The following RPA3 variants were observed in gnomAD, a reference collection of about 807,000 sequenced individuals.
RPA3 encodes the protein replication protein A 14 kDa subunit.
RPA3 carries 24 observed loss-of-function variants against 13.7 expected under a neutral mutation model. The ratio of observed to expected loss-of-function variants is 1.75; its 90% CI spans 1.27 to 2.46. The LOEUF (loss-of-function observed/expected upper bound fraction) is 2.46, where lower values mean the gene tolerates loss of function less well. Among genes scored for constraint, RPA3 ranks in the 30% most tolerant of loss-of-function variants. The pLI is 0.00. For missense variants in RPA3, 183 were observed against 151.0 expected, an observed-to-expected ratio of 1.21 and a Z score of -1.11; for synonymous variants, 59 against 51.2, an observed-to-expected ratio of 1.15 and a Z score of -0.65.
intron 2 of RPA3, among the ~76,000 whole-genome samples, chr7:7,691,504 T>C (rs946067110): frequency 6.6e-6 from 1 of 152,234 alleles, no homozygotes; most frequent in African/African-American, 2.4e-5. Context: ...CTTCAAGCCT[T>C]GCATGACATT....
chr7:7,643,574 C>T (rs1270737140), intron 4 of RPA3, among the ~76,000 whole-genome samples: 1 of 152,036 alleles, frequency 6.6e-6, no homozygotes, highest in Non-Finnish European at 1.5e-5. Flanking sequence ...TATCCAGGCG[C>T]GATGGCGGGG....
chr7:7,713,398 GTT>G, intron 2 of RPA3, among the ~76,000 whole-genome samples: 1 of 141,042 alleles, frequency 7.1e-6, no homozygotes, highest in Non-Finnish European at 1.6e-5. Context: ...TATAGACAGA[GTT>G]TTTTTTTTTT....
In RPA3 at chr7:7,659,153, C is replaced by G. The variant is rs532553414; in HGVS notation, c.-757-17978G>C. On this transcript the variant is annotated intron_variant, in intron 4 of 7. Coordinates refer to ENST00000223129, the MANE Select transcript of RPA3 (RefSeq NM_002947.5). Reference sequence around the variant, plus strand: ...TTGCTGTGGGATCAATGGTGATATCCCCTTTATCATTTTTTATTGCATCTA... The same window carrying G: ...TTGCTGTGGGATCAATGGTGATATCGCCTTTATCATTTTTTATTGCATCTA... Among the ~76,000 whole-genome samples the G allele has an allele frequency of 1.8e-4, 28 of 152,026 alleles. No homozygotes were observed. In the East Asian group the frequency reaches 5.2e-3, roughly 28 times the overall value.
At chr7:7,698,979 C>T (rs1780385834) in intron 2 of RPA3, among the ~76,000 whole-genome samples, 1 of 151,500 alleles carries the variant, frequency 6.6e-6, no homozygotes, top group Admixed American at 6.6e-5. Flanking sequence ...TTCAGCCCCC[C>T]AAGTATCTGG....
At chr7:7,717,261 T>A (rs1001584256) in intron 1 of RPA3, among the ~76,000 whole-genome samples, 2 of 152,046 alleles carry the variant, frequency 1.3e-5, no homozygotes, top group African/African-American at 4.8e-5. Flanking sequence ...TTCACCACGT[T>A]GGCCTGGCTG....
intron 2 of RPA3, among the ~76,000 whole-genome samples, chr7:7,695,991 T>C (rs902132437): frequency 1.3e-5 from 2 of 151,626 alleles, no homozygotes; most frequent in African/African-American, 4.8e-5. Context: ...GTTTTTTTTT[T>C]TTTTTTCTGA....
chr7:7,670,293 C>A (rs1234122736), intron 4 of RPA3, among the ~76,000 whole-genome samples: 1 of 152,084 alleles, frequency 6.6e-6, no homozygotes, highest in Non-Finnish European at 1.5e-5. Context: ...AATTTGAGTC[C>A]TTCTGTTAAA....
At chr7:7,715,759 A>G (rs1427727406) in intron 1 of RPA3, among the ~76,000 whole-genome samples, 1 of 152,228 alleles carries the variant, frequency 6.6e-6, no homozygotes. Context: ...GATGTAAAAG[A>G]TGTAAGAAAG....
intron 5 of RPA3, among the ~76,000 whole-genome samples, chr7:7,639,424 T>C (rs1399378022): frequency 6.6e-6 from 1 of 152,192 alleles, no homozygotes; most frequent in Non-Finnish European, 1.5e-5. Context: ...TGATAACAAA[T>C]TAAAGGATGC....
intron 2 of RPA3, among the ~76,000 whole-genome samples, chr7:7,700,724 C>G (rs867435615): frequency 6.6e-6 from 1 of 152,100 alleles, no homozygotes; most frequent in African/African-American, 2.4e-5. Context: ...CCTGTCTCTA[C>G]TAAAAATATA....
intron 4 of RPA3, among the ~76,000 whole-genome samples, chr7:7,664,174 A>G (rs13227675): frequency 0.18 from 27,281 of 152,148 alleles, 2,644 homozygotes; most frequent in Middle Eastern, 0.23. Context: ...GGAATTTACT[A>G]TTATTTTCTT....
At chr7:7,697,117 T>C (rs541324672) in intron 2 of RPA3, among the ~76,000 whole-genome samples, 2 of 152,312 alleles carry the variant, frequency 1.3e-5, no homozygotes, top group African/African-American at 4.8e-5. Flanking sequence ...GTTTTGCTTT[T>C]CTTTTTATTT....
At chr7:7,699,052 G>A (rs1038733140) in intron 2 of RPA3, among the ~76,000 whole-genome samples, 3 of 65,018 alleles carry the variant, frequency 4.6e-5, no homozygotes, top group East Asian at 2.6e-4. Context: ...GTGTGTGTGG[G>A]GGGGGGGTAG....
At chr7:7,677,765 C>G (rs915176675) in intron 4 of RPA3, among the ~76,000 whole-genome samples, 1 of 148,048 alleles carries the variant, frequency 6.8e-6, no homozygotes, top group African/African-American at 2.5e-5. Flanking sequence ...GCTCTGCCTC[C>G]CAGGTTCACG....
In RPA3 at chr7:7,652,467, C is replaced by G. The variant is rs28916274; in HGVS notation, c.-757-11292G>C. On this transcript the variant is annotated intron_variant, in intron 4 of 7. Coordinates refer to ENST00000223129, the MANE Select transcript of RPA3 (RefSeq NM_002947.5). The stretch of plus-strand genomic sequence containing the variant: ...CAGCAGTCTGAAGCAAGTCATTAGA[C>G]AGCTAGCAATATTTTTGACTAGACT... Among the ~76,000 whole-genome samples the G allele has an allele frequency of 8.6e-3, 1,303 of 152,310 alleles. 25 individuals are homozygous for G. Among genetic ancestry groups the G allele is most frequent in the African/African-American group, 0.03 (1,252 of 41,570 alleles).
chr7:7,646,511 T>C (rs1785099904), intron 4 of RPA3, among the ~76,000 whole-genome samples: 1 of 144,436 alleles, frequency 6.9e-6, no homozygotes, highest in African/African-American at 2.6e-5. Flanking sequence ...TTTTTAATTC[T>C]CTCGTCTGAC....
rs528461755 is a variant in RPA3, at chr7:7,707,247, T to G, written c.-1028+7928A>C. Among the ~76,000 whole-genome samples, 291 of 152,302 alleles carry G rather than the reference T, an allele frequency of 1.9e-3. 1 individual carries two copies. Among genetic ancestry groups the G allele is most frequent in the African/African-American group, 6.6e-3 (275 of 41,586 alleles). On this transcript the variant is annotated intron_variant, in intron 2 of 7. Coordinates refer to ENST00000223129, the MANE Select transcript of RPA3 (RefSeq NM_002947.5). ...ATTCATTATGGTTATAAACTCCTTG[T>G]CTGCCTACAATATTAATATGGAATG... is the stretch of plus-strand genomic sequence containing the variant.
At chr7:7,709,836 G>A (rs1011267435) in intron 2 of RPA3, among the ~76,000 whole-genome samples, 10 of 151,698 alleles carry the variant, frequency 6.6e-5, no homozygotes, top group African/African-American at 2.4e-4. Context: ...ATGAACACCT[G>A]TGTACCCACC....
intron 4 of RPA3, among the ~76,000 whole-genome samples, chr7:7,642,487 G>T (rs889303553): frequency 6.6e-6 from 1 of 150,796 alleles, no homozygotes; most frequent in African/African-American, 2.4e-5. Flanking sequence ...TTTTTTTAAA[G>T]AGCACTCCTG....
Sources: gnomAD v4.1 joint callset for allele counts (sites outside exome capture counted in the v4.1 genomes callset) on GRCh38, gnomAD v4.1.1 for gene constraint, MANE v1.5 for transcripts, NCBI Gene and HGNC (gene_info 2026-07-23, HGNC 2026-07-21) for gene names.